ZRANB2: variants seen among roughly 807,000 people sequenced by gnomAD.
ZRANB2 encodes zinc finger Ran-binding domain-containing protein 2.
A neutral mutation model predicts 53.4 loss-of-function variants in ZRANB2; 19 were observed. That is an observed-to-expected ratio of 0.36 (90% CI 0.25 to 0.52). The LOEUF (loss-of-function observed/expected upper bound fraction) is 0.52. ZRANB2 is among the 20% of genes least tolerant of loss of function. ZRANB2 has a pLI of 0.93. For synonymous variants in ZRANB2, 145 were observed against 134.8 expected (o/e 1.08, Z -0.52); for missense variants, 309 against 401.1 (o/e 0.77, Z 1.96).
Position 71,069,321 on chromosome 1 carries a change from C to T in ZRANB2, c.725G>A (p.Arg242His), listed in dbSNP as rs373912403. 2.0e-5 allele frequency: 32 copies of T among 1,612,418 alleles called. No homozygotes were observed. The highest frequency in any genetic ancestry group is 4.4e-5 in the South Asian group (4 of 90,998). Reference sequence around the variant, plus strand: ...TCTCGAACGTTCTCTGGAACTGGAACGAGATCTTGACTGCGAACTGGAAGA... The same window carrying T: ...TCTCGAACGTTCTCTGGAACTGGAATGAGATCTTGACTGCGAACTGGAAGA... ...RSSSSSQSRS[R>H]SSSRERSRSR... is the part of the protein sequence containing the mutation. Residue 242 changes from arginine to histidine, a missense_variant, in exon 8 of 10, where the codon CGT (arginine) becomes CAT (histidine). Arg to His is a conservative substitution (Grantham distance 29). This residue lies in a region of ZRANB2 where 211 missense variants were observed against 196.1 expected (regional missense o/e 1.08). Coordinates refer to ENST00000370920, the MANE Select transcript of ZRANB2 (RefSeq NM_203350.3).
In ZRANB2 at chr1:71,078,510, T is replaced by C. The variant is rs1279625934; in HGVS notation, c.165A>G (p.Thr55=). 3.1e-6 allele frequency: 5 copies of C among 1,614,090 alleles called. No individual in the cohort carries two copies. Among genetic ancestry groups the C allele is most frequent in the Non-Finnish European group, 3.4e-6 (4 of 1,179,976 alleles). ...ATAGGCCTCGGCTCTTTTCTGCAAG[T>C]GTCTTTCCTATTTCAGTGCCCCCAG... ...MKAGGTEIGK[T]LAEKSRGLFS... Residue 55 remains threonine, a synonymous_variant, in exon 3 of 10, where the codon ACA becomes ACG. Transcript: ENST00000370920.
Position 71,078,440 on chromosome 1 carries a change from T to C in ZRANB2, c.218+17A>G. The C allele has an allele frequency of 1.2e-6, 2 of 1,601,916 alleles. No homozygotes were observed. The highest frequency in any genetic ancestry group is 1.7e-6 in the Non-Finnish European group (2 of 1,170,454). On this transcript the variant is annotated intron_variant, in intron 3 of 9. Coordinates refer to ENST00000370920, the MANE Select transcript of ZRANB2 (RefSeq NM_203350.3). ...TTATTTTGGAAGAAAGAGCAGACAA[T>C]AATTTAAAAAACATACGTTTTACAT...
rs1661382616 is a variant in ZRANB2 at position 71,064,731 on chromosome 1, C to A, written c.*343G>T. ...CTTCCATGCCCAAAGTTCAGGCAAG[C>A]CTAGGTAATCCTGTCTTAGCCAATG... On this transcript the variant is annotated 3_prime_UTR_variant, in exon 10 of 10. Transcript: ENST00000370920. 6.1e-6 allele frequency: 1 copy of A among 165,200 alleles called. No homozygotes were observed. The allele number at this position is 165,200 out of a possible 1,614,324, so 10.2% of individuals were successfully genotyped here. A position where few individuals can be genotyped will look rare whatever the true frequency, so the allele number is the denominator to read the frequency against.
chr1:71,071,138 C>T lies in ZRANB2; in HGVS notation c.514-142G>A, dbSNP rs528506945. 53 of 678,292 alleles carry T rather than the reference C, an allele frequency of 7.8e-5. No homozygotes were observed. The South Asian group carries it at 1.7e-3, about 22-fold the overall frequency. 42.0% of individuals were successfully genotyped at this position (678,292 alleles called of 1,614,324 possible). On this transcript the variant is annotated intron_variant, in intron 6 of 9. Transcript: ENST00000370920. ...AATTAATTCTGAATTCTAAAATTCA[C>T]CTACTAAACTCATCTCAAATAGAGA...
Position 71,064,962 on chromosome 1 carries a change from C to A in ZRANB2, c.*112G>T. 1 of 604,908 alleles carries A rather than the reference C, an allele frequency of 1.7e-6. No individual in the cohort carries two copies. Among genetic ancestry groups the A allele is most frequent in the South Asian group, 2.6e-5 (1 of 38,184 alleles). 37.5% of individuals were successfully genotyped at this position (604,908 alleles called of 1,614,324 possible). ...TATTGTTTTGAAAAGCAATGAAAGG[C>A]ATGCACCTCTACTAGCAGATTTAGC... is the stretch of plus-strand genomic sequence containing the variant. On this transcript the variant is annotated 3_prime_UTR_variant, in exon 10 of 10. Coordinates refer to ENST00000370920, the MANE Select transcript of ZRANB2 (RefSeq NM_203350.3).
rs1661398695 is a variant in ZRANB2 at position 71,065,286 on chromosome 1, A to G, written c.930-149T>C. On this transcript the variant is annotated intron_variant, in intron 9 of 9. Transcript: ENST00000370920. The stretch of plus-strand genomic sequence containing the variant: ...TGAGATAGGAACTTACACACATAAA[A>G]TTATCTGATGTTTAGACTTTGGATA... 8 of 556,824 alleles carry G rather than the reference A, an allele frequency of 1.4e-5. No individual in the cohort carries two copies. In the South Asian group the frequency reaches 3.1e-4, roughly 22 times the overall value. 34.5% of individuals were successfully genotyped at this position (556,824 alleles called of 1,614,324 possible). A position where few individuals can be genotyped will look rare whatever the true frequency, so the allele number is the denominator to read the frequency against.
rs968260998 is a variant in ZRANB2, at chr1:71,072,016, AAC to A, written c.513+103_513+104del. ...CAAAACCTTTGTGAGAACAAATGAAAACACAGAATATATTTTCACCAAGTGTC... is the reference window on the plus strand; with the variant it reads ...CAAAACCTTTGTGAGAACAAATGAAAACAGAATATATTTTCACCAAGTGTC... On this transcript the variant is annotated intron_variant, in intron 6 of 9. Transcript: ENST00000370920. 2.9e-5 allele frequency: 42 copies of A among 1,472,722 alleles called. No homozygotes were observed. The African/African-American group carries it at 4.4e-4, about 16-fold the overall frequency. The allele number at this position is 1,472,722 out of a possible 1,614,324, so 91.2% of individuals were successfully genotyped here.
chr1:71,065,982 A>G (rs1236392186), intron 9 of ZRANB2: 5 of 447,184 alleles, frequency 1.1e-5, no homozygotes, highest in African/African-American at 1.0e-4. Flanking sequence ...ATTCTGTACA[A>G]GTAGGAATCA....
At chr1:71,067,817 G>A (rs1283526431) in intron 8 of ZRANB2, 1 of 353,986 alleles carries the variant, frequency 2.8e-6, no homozygotes, top group African/African-American at 2.3e-5. Context: ...TACCTATAAA[G>A]CGCTTAAATA....
At chr1:71,074,665 T>TA (rs397933556) in intron 4 of ZRANB2, among the ~76,000 whole-genome samples, 52 of 150,824 alleles carry the variant, frequency 3.4e-4, no homozygotes, top group East Asian at 2.9e-3. Flanking sequence ...GTTTTTTTTT[T>TA]AAAAAAAAGC....
chr1:71,079,854 T>TTTGGTTCTATTCAGTATCATTTG (rs1553184877), intron 1 of ZRANB2, among the ~76,000 whole-genome samples: 1 of 152,174 alleles, frequency 6.6e-6, no homozygotes, highest in Non-Finnish European at 1.5e-5. Flanking sequence ...AACATATAAC[T>TTTGGTTCTATTCAGTATCATTTG]TTGGTTCTAT....
chr1:71,079,849 A>G (rs982241760), intron 1 of ZRANB2, among the ~76,000 whole-genome samples: 1 of 152,202 alleles, frequency 6.6e-6, no homozygotes, highest in South Asian at 2.1e-4. Context: ...TCCATAACAT[A>G]TAACTTTGGT....
intron 8 of ZRANB2, among the ~76,000 whole-genome samples, chr1:71,068,610 G>A (rs1452841159): frequency 6.6e-6 from 1 of 151,994 alleles, no homozygotes; most frequent in East Asian, 1.9e-4. Context: ...AAATTAGAAA[G>A]GAAAATGTAT....
chr1:71,070,829 G>A lies in ZRANB2; in HGVS notation c.681C>T (p.Ser227=). The A allele has an allele frequency of 6.4e-7, 1 of 1,556,880 alleles. No homozygotes were observed. The change falls in exon 7 of 10, where the codon TCC becomes TCT. Residue 227 remains serine (S), a splice_region_variant and synonymous_variant. Coordinates refer to ENST00000370920, the MANE Select transcript of ZRANB2 (RefSeq NM_203350.3). The stretch of plus-strand genomic sequence containing the variant: ...ACCCTTGACCTGTACCCGTTTACCT[G>A]GACCTAGACCTTGAACTTGAGGGGG... ...SSSPSSSRSR[S]RSRSRSSSSS...
chr1:71,074,491 A>G (rs1573058422), intron 4 of ZRANB2, among the ~76,000 whole-genome samples: 1 of 152,164 alleles, frequency 6.6e-6, no homozygotes, highest in African/African-American at 2.4e-5. Flanking sequence ...GGGGATGAAT[A>G]TAACATGTAC....
chr1:71,078,251 A>G (rs555071958), intron 3 of ZRANB2, among the ~76,000 whole-genome samples: 2 of 152,330 alleles, frequency 1.3e-5, no homozygotes, highest in African/African-American at 4.8e-5. Context: ...AATCCATCAT[A>G]GTGACAACTA....
chr1:71,068,965 T>G (rs995739790), intron 8 of ZRANB2, among the ~76,000 whole-genome samples: 4 of 151,994 alleles, frequency 2.6e-5, no homozygotes, highest in Admixed American at 2.6e-4. Flanking sequence ...TATATAATCT[T>G]AATATACTAG....
rs759084611 is a variant in ZRANB2, at chr1:71,069,360, G to A, written c.686C>T (p.Ser229Phe). ...CGAACTGGAAGAACTTCTTGAACGGGACCTGGAACAACATGGAACGATTTT... is the reference window on the plus strand; with the variant it reads ...CGAACTGGAAGAACTTCTTGAACGGAACCTGGAACAACATGGAACGATTTT... Reference protein sequence around the residue: ...SPSSSRSRSRSRSRSSSSSQS... With the variant: ...SPSSSRSRSRFRSRSSSSSQS... The change falls in exon 8 of 10, where the codon TCC becomes TTC. Residue 229 changes from serine (S) to phenylalanine (F), a missense_variant and splice_region_variant. This residue lies in a region of ZRANB2 where 211 missense variants were observed against 196.1 expected (regional missense o/e 1.08). Coordinates refer to ENST00000370920, the MANE Select transcript of ZRANB2 (RefSeq NM_203350.3). 1.9e-6 allele frequency: 3 copies of A among 1,612,520 alleles called. No individual in the cohort carries two copies. In the South Asian group the frequency reaches 3.3e-5, roughly 18 times the overall value.
At chr1:71,067,865 C>G (rs1442224309) in intron 8 of ZRANB2, 1 of 295,612 alleles carries the variant, frequency 3.4e-6, no homozygotes, top group African/African-American at 2.4e-5. Context: ...AAATAATTTG[C>G]TCTCTACTTC....
Sources: gnomAD v4.1 joint callset for allele counts (sites outside exome capture counted in the v4.1 genomes callset) on GRCh38, gnomAD v4.1.1 for gene constraint, gnomAD v4.1.1 regional missense constraint, MANE v1.5 for transcripts, NCBI Gene and HGNC (gene_info 2026-07-23, HGNC 2026-07-21) for gene names.